MARCHF1: variants seen among roughly 807,000 people sequenced by gnomAD.
MARCHF1 encodes the protein membrane associated ring-CH-type finger 1.
Under a neutral mutation model 54.2 loss-of-function variants are expected in MARCHF1, and 40 were observed. That is an observed-to-expected ratio of 0.74 (90% CI 0.57 to 0.96). The LOEUF (loss-of-function observed/expected upper bound fraction) is 0.96, where lower values mean the gene tolerates loss of function less well. Ranked by LOEUF, MARCHF1 falls within the 40% of genes least tolerant of loss-of-function variation. MARCHF1 has a pLI of 0.00. For synonymous variants in MARCHF1, 236 were observed against 236.3 expected, an observed-to-expected ratio of 1.00 and a Z score of 0.01; for missense variants, 586 against 656.5, an observed-to-expected ratio of 0.89 and a Z score of 1.17.
chr4:163,668,281 C>G (rs1258795333), intron 5 of MARCHF1, among the ~76,000 whole-genome samples: 3 of 152,142 alleles, frequency 2.0e-5, no homozygotes, highest in African/African-American at 7.2e-5. Flanking sequence ...TGCTGGGATC[C>G]TAACCTCAGT....
intron 1 of MARCHF1, among the ~76,000 whole-genome samples, chr4:164,119,007 TATAAGG>T (rs1421673271): frequency 6.7e-6 from 1 of 149,472 alleles, no homozygotes; most frequent in Admixed American, 6.6e-5. Context: ...TATTAAAATA[TATAAGG>T]ATAAAGATAA....
intron 2 of MARCHF1, among the ~76,000 whole-genome samples, chr4:164,068,959 A>G: frequency 6.6e-6 from 1 of 152,112 alleles, no homozygotes; most frequent in East Asian, 1.9e-4. Context: ...GAATGCACCA[A>G]TCGGCACTCT....
intron 8 of MARCHF1, among the ~76,000 whole-genome samples, chr4:163,574,056 A>T (rs1298564393): frequency 6.6e-6 from 1 of 152,116 alleles, no homozygotes; most frequent in South Asian, 2.1e-4. Context: ...CATTTCTCTG[A>T]TGGCCAATGA....
Position 164,347,973 on chromosome 4 carries a change from T to C in MARCHF1, c.-323+35897A>G, listed in dbSNP as rs184479529. 1.3e-3 allele frequency among the ~76,000 whole-genome samples: 203 copies of C among 152,308 alleles called. 3 individuals carry two copies. The highest frequency in any genetic ancestry group is 1.6e-3 in the Admixed American group (24 of 15,296). On this transcript the variant is annotated intron_variant, in intron 1 of 9. Coordinates refer to ENST00000514618, the MANE Select transcript of MARCHF1 (RefSeq NM_001394959.1). ...CTTAGCATTTAAGAAGTTGACCTTTTCCTAATCCTATCAGACTTTAAAAAT... is the reference window on the plus strand; with the variant it reads ...CTTAGCATTTAAGAAGTTGACCTTTCCCTAATCCTATCAGACTTTAAAAAT...
intron 4 of MARCHF1, among the ~76,000 whole-genome samples, chr4:163,786,071 G>A (rs185569232): frequency 8.3e-4 from 126 of 151,906 alleles, no homozygotes; most frequent in Non-Finnish European, 1.4e-3. Context: ...GAAAAAGGCC[G>A]GGAAATGAGC....
chr4:163,929,964 A>ATAT (rs1751628509), intron 3 of MARCHF1, among the ~76,000 whole-genome samples: 2 of 111,324 alleles, frequency 1.8e-5, no homozygotes, highest in Admixed American at 2.0e-4. Flanking sequence ...ATTATATATA[A>ATAT]TATATATAAT....
chr4:164,036,112 AAAAAC>A (rs1275169686), intron 2 of MARCHF1, among the ~76,000 whole-genome samples: 9 of 123,030 alleles, frequency 7.3e-5, no homozygotes, highest in African/African-American at 3.2e-4. Flanking sequence ...CAAAAAAAAA[AAAAAC>A]AAAAAACAAA....
chr4:163,650,509 C>T (rs533604584), intron 5 of MARCHF1, among the ~76,000 whole-genome samples: 2 of 151,644 alleles, frequency 1.3e-5, no homozygotes, highest in Non-Finnish European at 2.9e-5. Flanking sequence ...GATAATACTG[C>T]CTGCATTATA....
chr4:163,545,983 GTA>G (rs1491046668), intron 8 of MARCHF1, among the ~76,000 whole-genome samples: 1 of 136,872 alleles, frequency 7.3e-6, no homozygotes, highest in African/African-American at 2.7e-5. Context: ...GTGTGTGTGT[GTA>G]TTTTTTTGAG....
chr4:164,244,131 C>T (rs569802592), intron 1 of MARCHF1, among the ~76,000 whole-genome samples: 6 of 152,068 alleles, frequency 3.9e-5, no homozygotes, highest in African/African-American at 1.4e-4. Flanking sequence ...CAGAACTCTC[C>T]ACCCCAAATC....
chr4:164,187,427 G>A (rs539564465), intron 1 of MARCHF1, among the ~76,000 whole-genome samples: 2 of 152,150 alleles, frequency 1.3e-5, no homozygotes, highest in African/African-American at 4.8e-5. Context: ...GATTTCCAAC[G>A]CTCCTCAGTT....
intron 1 of MARCHF1, among the ~76,000 whole-genome samples, chr4:164,352,415 G>A (rs12501473): frequency 0.093 from 13,234 of 141,978 alleles, 835 homozygotes; most frequent in East Asian, 0.27. Flanking sequence ...CGGATCTCTC[G>A]ACAGAAACCC....
At chr4:163,609,620 TGTGTATATATATATATAC>T (rs1297197513) in intron 7 of MARCHF1, among the ~76,000 whole-genome samples, 1 of 149,586 alleles carries the variant, frequency 6.7e-6, no homozygotes, top group Non-Finnish European at 1.5e-5. Context: ...TGTGTGTGTG[TGTGTATATATATATATAC>T]GTATATATAT....
intron 3 of MARCHF1, among the ~76,000 whole-genome samples, chr4:163,922,829 A>T (rs1751460488): frequency 6.6e-6 from 1 of 152,208 alleles, no homozygotes; most frequent in Non-Finnish European, 1.5e-5. Flanking sequence ...GTTTCTTTCA[A>T]TGGATACATA....
intron 1 of MARCHF1, among the ~76,000 whole-genome samples, chr4:164,191,297 T>A (rs1444580043): frequency 6.6e-6 from 1 of 152,208 alleles, no homozygotes; most frequent in Non-Finnish European, 1.5e-5. Context: ...AGCAAATTCA[T>A]ACTCTGCATA....
chr4:163,743,244 A>G (rs1156317985), intron 4 of MARCHF1, among the ~76,000 whole-genome samples: 4 of 152,158 alleles, frequency 2.6e-5, no homozygotes, highest in African/African-American at 9.7e-5. Flanking sequence ...AAGATTATAA[A>G]ATTATCTGAT....
chr4:164,176,980 C>CTCTCTATATATA (rs1466683245), intron 1 of MARCHF1, among the ~76,000 whole-genome samples: 34 of 58,900 alleles, frequency 5.8e-4, no homozygotes, highest in African/African-American at 2.2e-3. Context: ...CTCTCTCTCT[C>CTCTCTATATATA]TATATATATA....
chr4:163,967,011 T>C (rs971201018), intron 3 of MARCHF1, among the ~76,000 whole-genome samples: 1 of 152,110 alleles, frequency 6.6e-6, no homozygotes, highest in Non-Finnish European at 1.5e-5. Context: ...GAGAATCACA[T>C]TCCGGGGGAG....
chr4:164,018,461 T>C (rs1753593087), intron 2 of MARCHF1, among the ~76,000 whole-genome samples: 1 of 151,900 alleles, frequency 6.6e-6, no homozygotes, highest in Non-Finnish European at 1.5e-5. Context: ...ATTACAAATA[T>C]GGAAAAGAGC....
Sources: allele counts gnomAD v4.1 joint callset (sites outside exome capture counted in the v4.1 genomes callset), GRCh38; gene constraint gnomAD v4.1.1; transcripts MANE v1.5; gene names NCBI Gene and HGNC (gene_info 2026-07-23, HGNC 2026-07-21).